ZNF324B: variants seen among roughly 807,000 people sequenced by gnomAD.
The protein encoded by ZNF324B is zinc finger protein 324B.
In ZNF324B, 7 loss-of-function variants were observed where a neutral mutation model predicts 10.6. The ratio of observed to expected loss-of-function variants is 0.66; its 90% confidence interval spans 0.38 to 1.24. The LOEUF is 1.24. ZNF324B is among the 50% of genes most tolerant of loss of function. The pLI is 0.02. For synonymous variants in ZNF324B, 316 were observed against 321.0 expected (o/e 0.98, Z 0.17); for missense variants, 640 against 764.7 (o/e 0.84, Z 1.92).
chr19:58,427,349 C>CCTTCTTTCTTT, the ZNF324B span, among the ~76,000 whole-genome samples: 1 of 55,960 alleles, frequency 1.8e-5, no homozygotes, highest in Non-Finnish European at 3.5e-5. Flanking sequence ...CTTTCTCTTT[C>CCTTCTTTCTTT]CTTTCTTTCT....
chr19:58,439,861 C>G, the ZNF324B span: 1 of 1,528,500 alleles, frequency 6.5e-7, no homozygotes, highest in Non-Finnish European at 8.8e-7. Context: ...TGGGCCGAAC[C>G]CTCACACTTC....
upstream of ZNF324B, among the ~76,000 whole-genome samples, chr19:58,447,018 C>T (rs1019173110): frequency 6.6e-6 from 1 of 151,324 alleles, no homozygotes; most frequent in African/African-American, 2.4e-5. Context: ...CTCTGGTGCT[C>T]AGGCTGGAGT....
At chr19:58,423,237 G>T in the ZNF324B span, among the ~76,000 whole-genome samples, 1 of 151,682 alleles carries the variant, frequency 6.6e-6, no homozygotes. Context: ...TCGGCTCACT[G>T]CAAGCTCTGC....
intron 1 of ZNF324B, among the ~76,000 whole-genome samples, chr19:58,451,947 C>T (rs2052862721): frequency 1.3e-5 from 2 of 152,364 alleles, no homozygotes; most frequent in South Asian, 4.1e-4. Flanking sequence ...TCTTCCCTCC[C>T]AGTTGCGGGT....
upstream of ZNF324B, among the ~76,000 whole-genome samples, chr19:58,446,975 TTCTC>T (rs993278964): frequency 1.4e-4 from 22 of 151,814 alleles, no homozygotes; most frequent in Middle Eastern, 3.4e-3. Flanking sequence ...TTCTTTTCTT[TTCTC>T]TCTTTCTTTT....
chr19:58,438,021 T>G, the ZNF324B span, among the ~76,000 whole-genome samples: 2 of 152,190 alleles, frequency 1.3e-5, no homozygotes, highest in Admixed American at 6.5e-5. Context: ...AGGCTGACCC[T>G]TTCTGATCTT....
At chr19:58,437,265 T>A in the ZNF324B span, 1 of 1,532,240 alleles carries the variant, frequency 6.5e-7, no homozygotes, top group Non-Finnish European at 8.8e-7. Context: ...AGGACCTTGC[T>A]GTGTGACTCA....
upstream of ZNF324B, among the ~76,000 whole-genome samples, chr19:58,451,043 A>G (rs2052851950): frequency 6.6e-6 from 1 of 152,236 alleles, no homozygotes; most frequent in Non-Finnish European, 1.5e-5. Flanking sequence ...TCACAGAATC[A>G]AGACAAATGA....
chr19:58,435,020 A>G, the ZNF324B span: 1 of 1,614,158 alleles, frequency 6.2e-7, no homozygotes, highest in East Asian at 2.2e-5. Context: ...CCACATGTGT[A>G]GGGTTTCTCC....
Position 58,454,257 on chromosome 19 carries a change from A to C in ZNF324B, c.151A>C (p.Ile51Leu). The change falls in exon 3 of 4, where the codon ATT becomes CTT. Residue 51 changes from isoleucine to leucine, a missense_variant. Coordinates refer to ENST00000336614, the MANE Select transcript of ZNF324B (RefSeq NM_207395.3). ...GLSTSRPRVV[I>L]QLERGEEPWV... ...CTCTACCTCCCGACCTCGTGTGGTCATTCAACTTGAGCGTGGCGAGGAGCC... is the reference window on the plus strand; with the variant it reads ...CTCTACCTCCCGACCTCGTGTGGTCCTTCAACTTGAGCGTGGCGAGGAGCC... The C allele has an allele frequency of 6.2e-7, 1 of 1,614,068 alleles. No individual in the cohort carries two copies. Among genetic ancestry groups the C allele is most frequent in the Non-Finnish European group, 8.5e-7 (1 of 1,179,966 alleles).
chr19:58,447,039 G>A (rs2052831342), upstream of ZNF324B, among the ~76,000 whole-genome samples: 1 of 151,578 alleles, frequency 6.6e-6, no homozygotes, highest in Non-Finnish European at 1.5e-5. Context: ...GCAGTGGCAT[G>A]ATCTCAGCTC....
the ZNF324B span, chr19:58,418,562 C>T: frequency 2.4e-4 from 36 of 152,014 alleles, no homozygotes; most frequent in African/African-American, 8.7e-4. Flanking sequence ...CTCTGAGCCT[C>T]AAGCTATCCT....
At chr19:58,437,863 G>T in the ZNF324B span, 1 of 902,900 alleles carries the variant, frequency 1.1e-6, no homozygotes, top group Non-Finnish European at 1.3e-6. Context: ...CAGCTGCCCA[G>T]AACCATAAGC....
At chr19:58,427,358 CTTT>C in the ZNF324B span, among the ~76,000 whole-genome samples, 491 of 54,738 alleles carry the variant, frequency 9.0e-3, 2 homozygotes, top group East Asian at 0.04. Context: ...TCCTTTCTTT[CTTT>C]CTTTCTTTCT....
the ZNF324B span, chr19:58,437,017 A>C: frequency 6.2e-7 from 1 of 1,614,056 alleles, no homozygotes. Context: ...GGCATAAGGT[A>C]GTCATCACCA....
At chr19:58,425,072 A>G in the ZNF324B span, among the ~76,000 whole-genome samples, 1 of 151,974 alleles carries the variant, frequency 6.6e-6, no homozygotes. Context: ...TTGCCAACGT[A>G]ATGAAACCTG....
At chr19:58,436,939 C>G in the ZNF324B span, 1 of 1,499,506 alleles carries the variant, frequency 6.7e-7, no homozygotes, top group South Asian at 1.1e-5. Flanking sequence ...ACAGGAAACC[C>G]GAGAAGGAAG....
At position 58,457,061 on chromosome 19, in the gene ZNF324B, T is replaced by C; in HGVS notation, c.*482T>C. 1 of 174,202 alleles carries C rather than the reference T, an allele frequency of 5.7e-6. No individual in the cohort carries two copies. The allele number at this position is 174,202 out of a possible 1,614,324, so 10.8% of individuals were successfully genotyped here. A position where few individuals can be genotyped will look rare whatever the true frequency, so the allele number is the denominator to read the frequency against. ...TATTCAAGGCTTCCTGGGGGCCATC[T>C]CAGCAAACAGGAGACTACAGGGGAC... On this transcript the variant is annotated 3_prime_UTR_variant, in exon 4 of 4. Transcript: ENST00000336614.
At chr19:58,445,263 A>G in the ZNF324B span, 2 of 372,856 alleles carry the variant, frequency 5.4e-6, no homozygotes, top group African/African-American at 2.2e-5. Flanking sequence ...TGGAAAGCCT[A>G]TTCTCAATTT....
Sources: gnomAD v4.1 joint callset for allele counts (sites outside exome capture counted in the v4.1 genomes callset) on GRCh38, gnomAD v4.1.1 for gene constraint, MANE v1.5 for transcripts, NCBI Gene and HGNC (gene_info 2026-07-23, HGNC 2026-07-21) for gene names.